ZNF875: variants seen among roughly 807,000 people sequenced by gnomAD.
ZNF875 encodes the protein zinc finger protein 875.
In ZNF875, 14 loss-of-function variants were observed where a neutral mutation model predicts 11.2. The ratio of observed to expected loss-of-function variants is 1.26; its 90% CI spans 0.83 to 1.96. The LOEUF (loss-of-function observed/expected upper bound fraction) is 1.96. Ranked by LOEUF, ZNF875 falls within the 30% of genes most tolerant of loss-of-function variation. The pLI is 0.00. For missense variants in ZNF875, 752 were observed against 760.4 expected, an observed-to-expected ratio of 0.99 and a Z score of 0.13; for synonymous variants, 301 against 281.1, an observed-to-expected ratio of 1.07 and a Z score of -0.71.
rs148937005 is a variant in ZNF875, at chr19:37,341,834, T to C, written c.34-5356T>C. ...CTGTATACTAAAAAGGCAAGTCATT[T>C]GTTTCCCTCCACCCCAAACATTCCC... is the stretch of plus-strand genomic sequence containing the variant. On this transcript the variant is annotated intron_variant, in intron 2 of 4. Coordinates refer to ENST00000392153, the MANE Select transcript of ZNF875 (RefSeq NM_001353803.2). Among the ~76,000 whole-genome samples the C allele has an allele frequency of 3.6e-3, 554 of 152,362 alleles. 4 individuals carry two copies. Among genetic ancestry groups the C allele is most frequent in the African/African-American group, 0.012 (508 of 41,578 alleles).
chr19:37,316,035 C>G (rs1317511794), upstream of ZNF875, among the ~76,000 whole-genome samples: 1 of 152,108 alleles, frequency 6.6e-6, no homozygotes. Flanking sequence ...ATTTCTTCAA[C>G]GTTTAACTTA....
chr19:37,321,458 G>T (rs532507633), intron 1 of ZNF875, among the ~76,000 whole-genome samples: 410 of 152,080 alleles, frequency 2.7e-3, no homozygotes, highest in Non-Finnish European at 4.8e-3. Flanking sequence ...TTACCCTATT[G>T]TCCTGCCACA....
At chr19:37,355,146 A>G (rs1434173332) in intron 4 of ZNF875, among the ~76,000 whole-genome samples, 1 of 151,220 alleles carries the variant, frequency 6.6e-6, no homozygotes, top group Non-Finnish European at 1.5e-5. Context: ...GTATGTGTAT[A>G]TGTATATGTA....
At chr19:37,359,413 T>G (rs1215510001) in intron 4 of ZNF875, 3 of 239,206 alleles carry the variant, frequency 1.3e-5, no homozygotes, top group Admixed American at 5.4e-5. Context: ...TCTTTTCTTT[T>G]TTTTTTTTTT....
intron 1 of ZNF875, among the ~76,000 whole-genome samples, chr19:37,318,532 T>A (rs561652709): frequency 6.6e-6 from 1 of 151,762 alleles, no homozygotes; most frequent in Admixed American, 6.5e-5. Flanking sequence ...TTCTTTTTTT[T>A]TTTTTTTGAG....
chr19:37,318,487 A>G (rs1440154207), intron 1 of ZNF875, among the ~76,000 whole-genome samples: 1 of 151,578 alleles, frequency 6.6e-6, no homozygotes, highest in Non-Finnish European at 1.5e-5. Context: ...TCCTAACAGC[A>G]GCAACTTCTC....
chr19:37,347,377 G>A, intron 3 of ZNF875, 61 bp downstream of exon 3: 1 of 1,500,544 alleles, frequency 6.7e-7, no homozygotes, highest in Non-Finnish European at 9.1e-7. Flanking sequence ...CACTCATCGT[G>A]AGGAAGGGCT....
intron 2 of ZNF875, among the ~76,000 whole-genome samples, chr19:37,343,193 C>T (rs1197123003): frequency 1.3e-5 from 2 of 151,798 alleles, no homozygotes; most frequent in African/African-American, 2.4e-5. Context: ...AAAAATTAGC[C>T]GGGTGTGGTG....
chr19:37,322,538 G>A (rs2145692021), intron 2 of ZNF875, among the ~76,000 whole-genome samples: 1 of 152,304 alleles, frequency 6.6e-6, no homozygotes. Context: ...TTCAGTATAT[G>A]CCTGGGACTC....
upstream of ZNF875, among the ~76,000 whole-genome samples, chr19:37,314,532 A>G (rs1355632094): frequency 6.6e-6 from 1 of 152,112 alleles, no homozygotes; most frequent in Admixed American, 6.5e-5. Context: ...AACAACGGAA[A>G]CTCAATCTTG....
chr19:37,315,054 A>C (rs902390578), upstream of ZNF875: 1 of 151,768 alleles, frequency 6.6e-6, no homozygotes, highest in African/African-American at 2.4e-5. Flanking sequence ...AACTCCCCTA[A>C]CCCCGGGCCA....
chr19:37,357,982 G>T (rs140844300), intron 4 of ZNF875: 15 of 398,264 alleles, frequency 3.8e-5, no homozygotes, highest in South Asian at 1.3e-4. Context: ...TTCAGCTTTC[G>T]CCCATTCAGT....
chr19:37,315,520 A>C (rs1042181891), upstream of ZNF875: 1 of 152,226 alleles, frequency 6.6e-6, no homozygotes, highest in Non-Finnish European at 1.5e-5. Flanking sequence ...AGAGAATAAC[A>C]GTGCAAGAGT....
intron 4 of ZNF875, among the ~76,000 whole-genome samples, chr19:37,352,572 C>T (rs1156240898): frequency 6.6e-6 from 1 of 152,024 alleles, no homozygotes; most frequent in African/African-American, 2.4e-5. Flanking sequence ...TTTACTCTTT[C>T]CGTGGCATAC....
chr19:37,322,746 C>T (rs1189769536), intron 2 of ZNF875, among the ~76,000 whole-genome samples: 1 of 152,190 alleles, frequency 6.6e-6, no homozygotes, highest in East Asian at 1.9e-4. Context: ...GCTGTAAACA[C>T]TTCCTGGGGT....
At chr19:37,313,056 C>A (rs1348171962), upstream of ZNF875, 3 of 152,194 alleles carry the variant, frequency 2.0e-5, no homozygotes, top group African/African-American at 4.8e-5. Context: ...AGATCTGAAC[C>A]GCGCTGAGGG....
upstream of ZNF875, chr19:37,313,275 G>A (rs1029948677): frequency 6.6e-6 from 1 of 151,854 alleles, no homozygotes; most frequent in Non-Finnish European, 1.5e-5. Context: ...CCTTTCACGA[G>A]AGGAGTCCTT....
intron 4 of ZNF875, among the ~76,000 whole-genome samples, chr19:37,326,406 A>G (rs1403747899): frequency 6.6e-6 from 1 of 152,032 alleles, no homozygotes; most frequent in African/African-American, 2.4e-5. Flanking sequence ...TAATCCTTTA[A>G]TATGGAGAAT....
At chr19:37,356,456 CTT>C (rs1250844655) in intron 4 of ZNF875, among the ~76,000 whole-genome samples, 1 of 152,190 alleles carries the variant, frequency 6.6e-6, no homozygotes, top group African/African-American at 2.4e-5. Context: ...GTTTGTTTAA[CTT>C]TTTAATAATA....
Sources: allele counts gnomAD v4.1 joint callset (sites outside exome capture counted in the v4.1 genomes callset), GRCh38; gene constraint gnomAD v4.1.1; transcripts MANE v1.5; gene names NCBI Gene and HGNC (gene_info 2026-07-23, HGNC 2026-07-21).